The following GAB2 variants were observed in gnomAD, a reference collection of about 807,000 sequenced individuals.
GAB2 encodes the protein GRB2 associated binding protein 2.
In GAB2, 26 loss-of-function variants were observed where a neutral mutation model predicts 65.5. That is an observed-to-expected ratio of 0.40 (90% CI 0.29 to 0.55). The LOEUF (loss-of-function observed/expected upper bound fraction) is 0.55. GAB2 is among the 20% of genes least tolerant of loss of function. GAB2 has a pLI of 0.53. For synonymous variants in GAB2, 321 were observed against 329.6 expected (o/e 0.97, Z 0.28); for missense variants, 884 against 875.8 (o/e 1.01, Z -0.12).
intron 1 of GAB2, among the ~76,000 whole-genome samples, chr11:78,318,782 T>C (rs1404158998): frequency 6.6e-6 from 1 of 152,158 alleles, no homozygotes; most frequent in Non-Finnish European, 1.5e-5. Flanking sequence ...TAAAAGTTAA[T>C]CTGTTTCAGC....
rs1554999817 is a variant in GAB2, at chr11:78,398,021, T to TACACACACACACACACACACAC, written c.75+19624_75+19625insGTGTGTGTGTGTGTGTGTGTGT. 6.6e-3 allele frequency among the ~76,000 whole-genome samples: 745 copies of TACACACACACACACACACACAC among 112,504 alleles called. 6 individuals carry two copies. Among genetic ancestry groups the TACACACACACACACACACACAC allele is most frequent in the African/African-American group, 0.021 (680 of 31,800 alleles). 73.8% of individuals were successfully genotyped at this position (112,504 alleles called of 152,430 possible). On this transcript the variant is annotated intron_variant, in intron 1 of 9. Transcript: ENST00000361507. The stretch of plus-strand genomic sequence containing the variant: ...TGCTATGGTCCTGCCTGTGAATAGC[T>TACACACACACACACACACACAC]ACACACACACACACACACACATCCC...
At chr11:78,292,777 C>G (rs1866716836) in intron 1 of GAB2, among the ~76,000 whole-genome samples, 1 of 152,220 alleles carries the variant, frequency 6.6e-6, no homozygotes. Flanking sequence ...AGACTTTATA[C>G]TCTCTGAGGA....
At chr11:78,299,639 G>T (rs1216672400) in intron 1 of GAB2, among the ~76,000 whole-genome samples, 4 of 152,132 alleles carry the variant, frequency 2.6e-5, no homozygotes, top group African/African-American at 9.7e-5. Context: ...CTCTTCCCTG[G>T]TCACAGTATT....
chr11:78,218,204 C>G lies in GAB2; in HGVS notation c.*1068G>C, dbSNP rs879401673. ...AGAAACTCACTTCCCGACCCCACTG[C>G]AGAGTCCCCTGCACTGCCCTGTGCC... On this transcript the variant is annotated 3_prime_UTR_variant, in exon 10 of 10. Coordinates refer to ENST00000361507, the MANE Select transcript of GAB2 (RefSeq NM_080491.3). 1 of 154,044 alleles carries G rather than the reference C, an allele frequency of 6.5e-6. No individual in the cohort carries two copies. Among genetic ancestry groups the G allele is most frequent in the Non-Finnish European group, 1.4e-5 (1 of 69,288 alleles). The allele number at this position is 154,044 out of a possible 1,614,324, so 9.5% of individuals were successfully genotyped here.
intron 1 of GAB2, among the ~76,000 whole-genome samples, chr11:78,346,713 ATATATATAAT>A (rs1226087181): frequency 1.8e-4 from 9 of 49,462 alleles, no homozygotes; most frequent in Non-Finnish European, 2.4e-4. Context: ...ATATATATAT[ATATATATAAT>A]TTTTTTTTTT....
rs1864536825 is a variant in GAB2, at chr11:78,223,687, G to A, written c.1303-11C>T. ...AATCATTTTCCCTGGCTAGGGAGAG[G>A]AACAGTGAAAGAAATACAGCTGTTA... On this transcript the variant is annotated splice_polypyrimidine_tract_variant and intron_variant, in intron 5 of 9. Transcript: ENST00000361507. The A allele has an allele frequency of 3.8e-6, 6 of 1,574,820 alleles. No homozygotes were observed. The highest frequency in any genetic ancestry group is 5.2e-6 in the Non-Finnish European group (6 of 1,158,796).
chr11:78,236,006 A>C (rs1038245934), intron 3 of GAB2, among the ~76,000 whole-genome samples: 1 of 152,106 alleles, frequency 6.6e-6, no homozygotes, highest in Admixed American at 6.6e-5. Flanking sequence ...TTTTATTTGG[A>C]TTGTGTTGAA....
intron 1 of GAB2, among the ~76,000 whole-genome samples, chr11:78,400,901 CAAAAA>C (rs59240034): frequency 0.03 from 1,963 of 65,222 alleles, 40 homozygotes; most frequent in African/African-American, 0.11. Flanking sequence ...GAGACTGTCT[CAAAAA>C]AAAAAAAAAA....
chr11:78,252,409 G>A (rs1865480156), intron 2 of GAB2, among the ~76,000 whole-genome samples: 1 of 152,206 alleles, frequency 6.6e-6, no homozygotes, highest in Non-Finnish European at 1.5e-5. Context: ...TCTAATAGTG[G>A]AGGAGAGAGG....
intron 1 of GAB2, among the ~76,000 whole-genome samples, chr11:78,400,688 A>G (rs1856957278): frequency 6.6e-6 from 1 of 152,098 alleles, no homozygotes; most frequent in Admixed American, 6.6e-5. Flanking sequence ...AGATCACTTG[A>G]GGCCAGGAGT....
intron 1 of GAB2, among the ~76,000 whole-genome samples, chr11:78,375,135 C>T (rs1856617063): frequency 1.3e-5 from 2 of 152,172 alleles, no homozygotes; most frequent in African/African-American, 4.8e-5. Flanking sequence ...GCCTAGAACT[C>T]CTGGGCTCAA....
In GAB2 at chr11:78,320,444, G is replaced by A. The variant is rs116064797; in HGVS notation, c.76-39543C>T. 8.5e-3 allele frequency among the ~76,000 whole-genome samples: 1,295 copies of A among 152,252 alleles called. 19 individuals carry two copies. The highest frequency in any genetic ancestry group is 0.03 in the African/African-American group (1,234 of 41,542). The stretch of plus-strand genomic sequence containing the variant: ...GAGGGTCTTATCCTTGTTCAATGTG[G>A]GAAGAAGATAAGGAATTTGGACATC... On this transcript the variant is annotated intron_variant, in intron 1 of 9. Coordinates refer to ENST00000361507, the MANE Select transcript of GAB2 (RefSeq NM_080491.3).
Position 78,386,877 on chromosome 11 carries a change from T to C in GAB2, c.75+30769A>G, listed in dbSNP as rs1856774692. 2.0e-5 allele frequency among the ~76,000 whole-genome samples: 3 copies of C among 152,262 alleles called. No individual in the cohort carries two copies. In the South Asian group the frequency reaches 6.2e-4, roughly 31 times the overall value. On this transcript the variant is annotated intron_variant, in intron 1 of 9. Transcript: ENST00000361507. ...TATCTCTTACGAAGAGACAATGTGA[T>C]GTCAAGGAAGTTGGAAGGCACGGAT...
intron 1 of GAB2, among the ~76,000 whole-genome samples, chr11:78,327,234 A>C (rs1225798998): frequency 6.6e-6 from 1 of 152,206 alleles, no homozygotes; most frequent in Non-Finnish European, 1.5e-5. Flanking sequence ...CTAATAGCCT[A>C]TAAGAATGAT....
At chr11:78,400,741 G>A (rs1034353851) in intron 1 of GAB2, among the ~76,000 whole-genome samples, 2 of 151,466 alleles carry the variant, frequency 1.3e-5, no homozygotes, top group Non-Finnish European at 2.9e-5. Context: ...CATCTCTATT[G>A]AAAATACAAA....
intron 2 of GAB2, among the ~76,000 whole-genome samples, chr11:78,259,542 C>G (rs1187558656): frequency 1.3e-5 from 2 of 152,184 alleles, no homozygotes. Flanking sequence ...CACTTTTCAT[C>G]ATAAGCCTGA....
chr11:78,239,742 T>C (rs997576444), intron 3 of GAB2, among the ~76,000 whole-genome samples: 3 of 152,166 alleles, frequency 2.0e-5, no homozygotes, highest in Admixed American at 1.3e-4. Context: ...CATCAACACC[T>C]TGGACATCTC....
intron 1 of GAB2, among the ~76,000 whole-genome samples, chr11:78,290,863 A>G (rs1218834837): frequency 6.6e-6 from 1 of 152,186 alleles, no homozygotes; most frequent in African/African-American, 2.4e-5. Flanking sequence ...GGTCTCTTGG[A>G]AACTGGAGAA....
intron 1 of GAB2, among the ~76,000 whole-genome samples, chr11:78,387,568 T>C (rs1856784360): frequency 6.6e-6 from 1 of 152,140 alleles, no homozygotes; most frequent in Non-Finnish European, 1.5e-5. Context: ...TGCTTAATCA[T>C]TACATAACAA....
Sources: gnomAD v4.1 joint callset for allele counts (sites outside exome capture counted in the v4.1 genomes callset) on GRCh38, gnomAD v4.1.1 for gene constraint, MANE v1.5 for transcripts, NCBI Gene and HGNC (gene_info 2026-07-23, HGNC 2026-07-21) for gene names.